REPS2: variants seen among roughly 807,000 people sequenced by gnomAD.
REPS2 encodes the protein RALBP1 associated Eps domain containing 2, also known as ralBP1-associated Eps domain-containing protein 2.
REPS2 carries 23 observed loss-of-function variants against 53.6 expected under a neutral mutation model. That is an observed-to-expected ratio of 0.43 (90% CI 0.31 to 0.61). The LOEUF (loss-of-function observed/expected upper bound fraction) is 0.61. Among genes scored for constraint, REPS2 ranks in the 20% least tolerant of loss-of-function variants. The pLI is 0.11. For synonymous variants in REPS2, 238 were observed against 218.6 expected, an observed-to-expected ratio of 1.09 and a Z score of -0.78; for missense variants, 446 against 534.9, an observed-to-expected ratio of 0.83 and a Z score of 1.64.
the REPS2 span, among the ~76,000 whole-genome samples, chrX:17,166,335 G>A: frequency 4.1e-4 from 46 of 111,853 alleles, no homozygotes; most frequent in African/African-American, 1.4e-3. Flanking sequence ...TCCAGTGACC[G>A]TGGGCTACTC....
At chrX:17,115,579 C>T (rs1249665385) in intron 14 of REPS2, among the ~76,000 whole-genome samples, 1 of 111,047 alleles carries the variant, frequency 9.0e-6, no homozygotes, top group Non-Finnish European at 1.9e-5. Context: ...AGCTGGGGGA[C>T]GGTCAGGTCT....
chrX:16,956,505 T>C (rs2060599540), intron 1 of REPS2, among the ~76,000 whole-genome samples: 1 of 110,764 alleles, frequency 9.0e-6, no homozygotes. Flanking sequence ...TTTTGCCATG[T>C]TGCCTAGGCA....
At chrX:17,107,526 T>G (rs936005263) in intron 14 of REPS2, among the ~76,000 whole-genome samples, 5 of 112,463 alleles carry the variant, frequency 4.4e-5, no homozygotes, top group African/African-American at 1.6e-4. Flanking sequence ...AAAGCATATA[T>G]TCTTTTATCA....
intron 13 of REPS2, among the ~76,000 whole-genome samples, chrX:17,101,262 C>CTG (rs1219914844): frequency 9.1e-6 from 1 of 109,302 alleles, no homozygotes; most frequent in Non-Finnish European, 1.9e-5. Context: ...TGGGGTTTCA[C>CTG]TGTGTTAGCC....
chrX:17,089,832 G>T (rs1038343264), intron 13 of REPS2, among the ~76,000 whole-genome samples: 1 of 112,098 alleles, frequency 8.9e-6, no homozygotes, highest in Non-Finnish European at 1.9e-5. Flanking sequence ...GAATAATGCT[G>T]CCATTAATAT....
At chrX:16,948,352 C>A (rs1193142655) in intron 1 of REPS2, among the ~76,000 whole-genome samples, 2 of 112,590 alleles carry the variant, frequency 1.8e-5, no homozygotes, top group Admixed American at 1.9e-4. Flanking sequence ...CAGAACTTAG[C>A]ATGGCTGTTT....
chrX:17,136,007 A>C (rs569927027), intron 16 of REPS2: 1 of 112,391 alleles, frequency 8.9e-6, no homozygotes, highest in East Asian at 2.8e-4. Context: ...GCTCTGGACA[A>C]ACTATCCTTC....
the REPS2 span, among the ~76,000 whole-genome samples, chrX:17,191,726 A>G: frequency 2.7e-5 from 3 of 112,672 alleles, no homozygotes; most frequent in African/African-American, 6.4e-5. Flanking sequence ...TTGCAACAAC[A>G]TGGATTATTC....
At chrX:16,955,010 G>A (rs924414612) in intron 1 of REPS2, among the ~76,000 whole-genome samples, 1 of 108,600 alleles carries the variant, frequency 9.2e-6, no homozygotes, top group African/African-American at 3.4e-5. Flanking sequence ...ATGGGGTTTC[G>A]CCATGTTGAC....
In REPS2 at chrX:16,946,823, G is replaced by C; in HGVS notation, c.-39G>C. 7.9e-6 allele frequency: 6 copies of C among 759,197 alleles called. No individual in the cohort carries two copies. Among genetic ancestry groups the C allele is most frequent in the Middle Eastern group, 7.3e-4 (1 of 1,369 alleles). The allele number at this position is 759,197 out of a possible 1,213,427, so 62.6% of individuals were successfully genotyped here. A position where few individuals can be genotyped will look rare whatever the true frequency, so the allele number is the denominator to read the frequency against. ...CTGTGGCGGACGCAGCAGCACCCCA[G>C]CTAGGGACAGGGCTCCGCCGCGCCC... On this transcript the variant is annotated 5_prime_UTR_variant, in exon 1 of 18. Coordinates refer to ENST00000357277, the MANE Select transcript of REPS2 (RefSeq NM_004726.3).
chrX:17,179,759 C>A, the REPS2 span, among the ~76,000 whole-genome samples: 5 of 111,596 alleles, frequency 4.5e-5, no homozygotes, highest in East Asian at 1.4e-3. Flanking sequence ...GATATAACAT[C>A]ATCAGTAGAT....
intron 1 of REPS2, among the ~76,000 whole-genome samples, chrX:16,986,641 G>T (rs903839016): frequency 9.0e-6 from 1 of 111,648 alleles, no homozygotes; most frequent in East Asian, 2.8e-4. Flanking sequence ...TTCATTAAGT[G>T]ACCTGCTCAC....
intron 1 of REPS2, among the ~76,000 whole-genome samples, chrX:16,953,310 T>C (rs972950559): frequency 1.8e-5 from 2 of 111,759 alleles, no homozygotes; most frequent in Non-Finnish European, 3.8e-5. Flanking sequence ...TTGACTCTTT[T>C]GTAATAAAAT....
intron 1 of REPS2, among the ~76,000 whole-genome samples, chrX:16,989,774 G>A (rs181006651): frequency 9.2e-4 from 103 of 112,269 alleles, no homozygotes; most frequent in African/African-American, 3.2e-3. Flanking sequence ...ATTAAAAATA[G>A]TGACAGCATC....
the REPS2 span, among the ~76,000 whole-genome samples, chrX:17,187,497 G>A: frequency 4.5e-5 from 5 of 112,251 alleles, no homozygotes; most frequent in African/African-American, 1.6e-4. Context: ...CTGACTGCAG[G>A]AGAAGGGGCC....
chrX:16,969,816 T>C (rs2060861509), intron 1 of REPS2, among the ~76,000 whole-genome samples: 1 of 107,492 alleles, frequency 9.3e-6, no homozygotes, highest in Admixed American at 9.8e-5. Context: ...GGGAGAGATT[T>C]GGTTTTCATA....
chrX:17,106,693 C>A (rs1259007909), intron 14 of REPS2, among the ~76,000 whole-genome samples: 1 of 111,563 alleles, frequency 9.0e-6, no homozygotes. Context: ...GGATTACAGG[C>A]ATGAGCCACC....
chrX:17,154,238 T>A (rs2063594396), downstream of REPS2, among the ~76,000 whole-genome samples: 1 of 112,132 alleles, frequency 8.9e-6, no homozygotes, highest in African/African-American at 3.2e-5. Flanking sequence ...AAAGGCTAAT[T>A]GTGTTTCCAG....
At chrX:17,107,500 G>T (rs1229331899) in intron 14 of REPS2, among the ~76,000 whole-genome samples, 1 of 112,058 alleles carries the variant, frequency 8.9e-6, no homozygotes, top group Admixed American at 9.4e-5. Flanking sequence ...TATAAAGATT[G>T]TTTCTACATA....
Sources: gnomAD v4.1 joint callset for allele counts (sites outside exome capture counted in the v4.1 genomes callset) on GRCh38, gnomAD v4.1.1 for gene constraint, MANE v1.5 for transcripts, NCBI Gene and HGNC (gene_info 2026-07-23, HGNC 2026-07-21) for gene names.